TNKS: variants seen among roughly 807,000 people sequenced by gnomAD.
The protein encoded by TNKS is tankyrase.
A neutral mutation model predicts 135.8 loss-of-function variants in TNKS; 72 were observed. That is an observed-to-expected ratio of 0.53 (90% CI 0.44 to 0.64). The LOEUF (loss-of-function observed/expected upper bound fraction) is 0.64. Among genes scored for constraint, TNKS ranks in the 30% least tolerant of loss-of-function variants. The pLI is 0.00. For synonymous variants in TNKS, 849 were observed against 649.3 expected (o/e 1.31, Z -4.68); for missense variants, 1,769 against 1,674.0 (o/e 1.06, Z -0.99).
chr8:9,624,386 T>A (rs1329800087), intron 3 of TNKS, among the ~76,000 whole-genome samples: 3 of 152,278 alleles, frequency 2.0e-5, no homozygotes, highest in Non-Finnish European at 4.4e-5. Flanking sequence ...GCTATTGTAA[T>A]GGTTACTAGC....
At chr8:9,763,999 G>C (rs1239732693) in intron 22 of TNKS, among the ~76,000 whole-genome samples, 1 of 152,072 alleles carries the variant, frequency 6.6e-6, no homozygotes, top group Non-Finnish European at 1.5e-5. Flanking sequence ...CATACGTAGC[G>C]CATCAGGAAG....
intron 1 of TNKS, among the ~76,000 whole-genome samples, chr8:9,562,830 C>A (rs1228211044): frequency 6.8e-6 from 1 of 147,552 alleles, no homozygotes; most frequent in Admixed American, 6.7e-5. Context: ...TTTTTTCTTT[C>A]TAGATGGGCA....
At chr8:9,743,197 A>G (rs995748057) in intron 17 of TNKS, among the ~76,000 whole-genome samples, 1 of 152,178 alleles carries the variant, frequency 6.6e-6, no homozygotes, top group Non-Finnish European at 1.5e-5. Flanking sequence ...AAATCAAGCA[A>G]TTTATAGAGC....
rs547817432 is a variant in TNKS, at chr8:9,699,989, G to A, written c.1108-4674G>A. On this transcript the variant is annotated intron_variant, in intron 5 of 26. Coordinates refer to ENST00000310430, the MANE Select transcript of TNKS (RefSeq NM_003747.3). The stretch of plus-strand genomic sequence containing the variant: ...TAACATGGATTCTTCACACAACCTG[G>A]AATAGTTTCTTATTCTTTTGCCTCA... Among the ~76,000 whole-genome samples, 12 of 152,198 alleles carry A rather than the reference G, an allele frequency of 7.9e-5. No individual in the cohort carries two copies. In the East Asian group the frequency reaches 1.9e-3, roughly 25 times the overall value.
intron 23 of TNKS, 122 bp downstream of exon 23, chr8:9,764,912 G>T: frequency 3.0e-6 from 2 of 673,276 alleles, no homozygotes; most frequent in Non-Finnish European, 2.3e-6. Flanking sequence ...TTCGTCACCT[G>T]TCTGAAGTCA....
At position 9,776,654 on chromosome 8, in the gene TNKS, A is replaced by G; in HGVS notation, c.3902A>G (p.Tyr1301Cys). The change falls in exon 27 of 27, where the codon TAC (tyrosine) becomes TGC (cysteine). Residue 1301 changes from tyrosine (Y) to cysteine (C), a missense_variant. Physicochemically the swap from Tyr to Cys is radical, Grantham distance 194. Around this residue, in one of 5 missense-constraint regions of TNKS, gnomAD observed 722 missense variants for 688.9 expected, o/e 1.05. Transcript: ENST00000310430. The part of the protein sequence containing the change: ...EYVIYRGEQA[Y>C]PEYLITYQIM... ...TTTTCTTCTTGTCCTTCCCAGGCATACCCAGAGTATCTTATCACTTACCAG... is the reference window on the plus strand; with the variant it reads ...TTTTCTTCTTGTCCTTCCCAGGCATGCCCAGAGTATCTTATCACTTACCAG... The G allele has an allele frequency of 6.2e-7, 1 of 1,613,904 alleles. No individual in the cohort carries two copies. Among genetic ancestry groups the G allele is most frequent in the Non-Finnish European group, 8.5e-7 (1 of 1,179,834 alleles).
chr8:9,733,477 A>T (rs1805542584), intron 15 of TNKS, 33 bp downstream of exon 15: 1 of 1,550,866 alleles, frequency 6.4e-7, no homozygotes, highest in African/African-American at 1.4e-5. Context: ...AAATATAACT[A>T]ATTTTATTTA....
At chr8:9,747,281 T>G (rs1806286973) in intron 17 of TNKS, among the ~76,000 whole-genome samples, 1 of 138,636 alleles carries the variant, frequency 7.2e-6, no homozygotes, top group Non-Finnish European at 1.6e-5. Flanking sequence ...AAAAATGTAG[T>G]CATCTTTGAC....
chr8:9,652,113 T>TA (rs1801169045), intron 3 of TNKS, among the ~76,000 whole-genome samples: 1 of 152,222 alleles, frequency 6.6e-6, no homozygotes, highest in African/African-American at 2.4e-5. Flanking sequence ...ATTACTGACA[T>TA]ATGGATATAC....
At chr8:9,592,424 A>G (rs1159225724) in intron 2 of TNKS, among the ~76,000 whole-genome samples, 2 of 152,226 alleles carry the variant, frequency 1.3e-5, no homozygotes. Context: ...ATACAAACAG[A>G]TTAAAGACTC....
chr8:9,560,687 T>C (rs531544543), intron 1 of TNKS, among the ~76,000 whole-genome samples: 1 of 151,860 alleles, frequency 6.6e-6, no homozygotes, highest in Non-Finnish European at 1.5e-5. Flanking sequence ...TTTATATTAC[T>C]TGTAAGCAAA....
chr8:9,698,534 C>T (rs937296170), intron 5 of TNKS, among the ~76,000 whole-genome samples: 1 of 152,080 alleles, frequency 6.6e-6, no homozygotes, highest in Non-Finnish European at 1.5e-5. Context: ...ATAGGGATTA[C>T]ACTTCCCACT....
At chr8:9,701,855 C>T (rs1201651178) in intron 5 of TNKS, among the ~76,000 whole-genome samples, 3 of 152,120 alleles carry the variant, frequency 2.0e-5, no homozygotes, top group Non-Finnish European at 2.9e-5. Flanking sequence ...CACACAGGGG[C>T]CCCTTACAGT....
At chr8:9,678,333 C>G (rs922466925) in intron 3 of TNKS, among the ~76,000 whole-genome samples, 1 of 152,104 alleles carries the variant, frequency 6.6e-6, no homozygotes, top group Non-Finnish European at 1.5e-5. Flanking sequence ...AAATGTTTAA[C>G]AAAGGTAGGT....
At position 9,731,627 on chromosome 8, in the gene TNKS, G is replaced by A. The variant is rs541498372; in HGVS notation, c.2147+592G>A. ...TGTGTGCTGTGGCGATGGTGGTGGTGGTGATTTTTAACACAAATGGTGGTG... is the reference window on the plus strand; with the variant it reads ...TGTGTGCTGTGGCGATGGTGGTGGTAGTGATTTTTAACACAAATGGTGGTG... On this transcript the variant is annotated intron_variant, in intron 14 of 26. Coordinates refer to ENST00000310430, the MANE Select transcript of TNKS (RefSeq NM_003747.3). 6.6e-5 allele frequency among the ~76,000 whole-genome samples: 10 copies of A among 152,160 alleles called. No homozygotes were observed. The South Asian group carries it at 2.1e-3, about 32-fold the overall frequency.
chr8:9,608,875 C>A (rs4265191), intron 2 of TNKS, among the ~76,000 whole-genome samples: 29,637 of 152,142 alleles, frequency 0.19, 3,126 homozygotes, highest in East Asian at 0.29. Context: ...CTGTTTACAA[C>A]TGCAGCTGGC....
intron 3 of TNKS, among the ~76,000 whole-genome samples, chr8:9,654,943 T>TGAG (rs955517189): frequency 2.0e-5 from 3 of 149,976 alleles, no homozygotes; most frequent in Non-Finnish European, 3.0e-5. Flanking sequence ...CGAAGCAGGG[T>TGAG]GAGGCATCGC....
intron 2 of TNKS, among the ~76,000 whole-genome samples, chr8:9,595,163 C>T (rs1217805782): frequency 6.6e-6 from 1 of 150,952 alleles, no homozygotes; most frequent in Non-Finnish European, 1.5e-5. Flanking sequence ...GCTGTGTTGT[C>T]CAGGCTGGAG....
chr8:9,776,765 G>C lies in TNKS; in HGVS notation c.*29G>C, dbSNP rs761532677. 1.9e-6 allele frequency: 3 copies of C among 1,597,600 alleles called. No individual in the cohort carries two copies. Among genetic ancestry groups the C allele is most frequent in the East Asian group, 2.2e-5 (1 of 44,790 alleles). ...ATGCCTGCTGGTGAAGGCCAGATCAGATTTCAACCTGGGACTGGATTACAG... is the reference window on the plus strand; with the variant it reads ...ATGCCTGCTGGTGAAGGCCAGATCACATTTCAACCTGGGACTGGATTACAG... On this transcript the variant is annotated 3_prime_UTR_variant, in exon 27 of 27. Coordinates refer to ENST00000310430, the MANE Select transcript of TNKS (RefSeq NM_003747.3).
Sources: allele counts gnomAD v4.1 joint callset (sites outside exome capture counted in the v4.1 genomes callset), GRCh38; gene constraint gnomAD v4.1.1; regional missense constraint gnomAD v4.1.1; transcripts MANE v1.5; gene names NCBI Gene and HGNC (gene_info 2026-07-23, HGNC 2026-07-21).